The following SPDEF variants were observed in gnomAD, a reference collection of about 807,000 sequenced individuals.
SPDEF encodes SAM pointed domain-containing Ets transcription factor.
A neutral mutation model predicts 36.0 loss-of-function variants in SPDEF; 12 were observed. The observed-to-expected ratio is 0.33, with a 90% confidence interval of 0.21 to 0.54. The LOEUF (loss-of-function observed/expected upper bound fraction) is 0.54, where lower values mean the gene tolerates loss of function less well. SPDEF is among the 20% of genes least tolerant of loss of function. The pLI is 0.93. For synonymous variants in SPDEF, 205 were observed against 193.0 expected, an observed-to-expected ratio of 1.06 and a Z score of -0.51; for missense variants, 388 against 456.9, an observed-to-expected ratio of 0.85 and a Z score of 1.37.
chr6:34,548,203 GTGAGGC>G (rs1767993152), intron 1 of SPDEF, among the ~76,000 whole-genome samples: 1 of 152,210 alleles, frequency 6.6e-6, no homozygotes, highest in South Asian at 2.1e-4. Flanking sequence ...GATGCGGACA[GTGAGGC>G]TCAGGGAGGC....
chr6:34,540,951 G>A (rs1438981578), intron 3 of SPDEF, 33 bp downstream of exon 3: 1 of 1,591,984 alleles, frequency 6.3e-7, no homozygotes, highest in East Asian at 2.3e-5. Context: ...TTGGAGCCTG[G>A]GAGGGGCTGC....
rs545181732 is a variant in SPDEF at position 34,552,962 on chromosome 6, T to C, written c.-30+2967A>G. Among the ~76,000 whole-genome samples the C allele has an allele frequency of 1.4e-3, 208 of 152,268 alleles. No individual in the cohort carries two copies. Among genetic ancestry groups the C allele is most frequent in the African/African-American group, 4.7e-3 (196 of 41,558 alleles). On this transcript the variant is annotated intron_variant, in intron 1 of 5. Coordinates refer to ENST00000374037, the MANE Select transcript of SPDEF (RefSeq NM_012391.3). The surrounding 1 kb of genome is among the most constrained non-coding windows in gnomAD (Gnocchi z 4.6). ...TTGCTACCCCAGGAGCAGAGAGGCC[T>C]GGGCCTTGCCCCGCAACCAGTCTCA... is the stretch of plus-strand genomic sequence containing the variant.
At chr6:34,546,148 G>A (rs1041399554) in intron 1 of SPDEF, among the ~76,000 whole-genome samples, 3 of 152,174 alleles carry the variant, frequency 2.0e-5, no homozygotes, top group African/African-American at 4.8e-5. Context: ...GCGCCACCTC[G>A]GAGCTTGCTA....
Position 34,539,381 on chromosome 6 carries a change from T to C in SPDEF, c.698A>G (p.Glu233Gly). 5 of 1,613,716 alleles carry C rather than the reference T, an allele frequency of 3.1e-6. No homozygotes were observed. Among genetic ancestry groups the C allele is most frequent in the Non-Finnish European group, 4.2e-6 (5 of 1,180,022 alleles). ...GTCCACCTCGCTGTCGGTCCAGCTC[T>C]CCTCACTGGTCGAGGCTGGGTGGCC... ...AIHYCASTSEESWTDSEVDSS... is the reference protein window; with the variant it reads ...AIHYCASTSEGSWTDSEVDSS... Residue 233 changes from glutamate (E) to glycine (G), a missense_variant, in exon 5 of 6, where the codon GAG (glutamate) becomes GGG (glycine). Glu to Gly is a moderately conservative substitution (Grantham distance 98). Transcript: ENST00000374037. This position sits in a 1 kb window ranked among gnomAD's most constrained non-coding sequence, Gnocchi z 5.2.
Position 34,538,258 on chromosome 6 carries a change from GC to G in SPDEF, c.*15del. 2 of 1,609,758 alleles carry G rather than the reference GC, an allele frequency of 1.2e-6. No homozygotes were observed. The highest frequency in any genetic ancestry group is 1.7e-6 in the Non-Finnish European group (2 of 1,177,026). On this transcript the variant is annotated 3_prime_UTR_variant, in exon 6 of 6. Transcript: ENST00000374037. The surrounding 1 kb of genome is among the most constrained non-coding windows in gnomAD (Gnocchi z 5.9). ...AGAGGCCCCTGAGGGCGGGTTTCAGGCCCTGGGCCAGGCACTCAGATGGGGT... is the reference window on the plus strand; with the variant it reads ...AGAGGCCCCTGAGGGCGGGTTTCAGGCCTGGGCCAGGCACTCAGATGGGGT...
At chr6:34,547,115 T>C (rs1767971912) in intron 1 of SPDEF, among the ~76,000 whole-genome samples, 1 of 151,732 alleles carries the variant, frequency 6.6e-6, no homozygotes, top group African/African-American at 2.4e-5. Flanking sequence ...CTGGGCGCCA[T>C]GCCAGGGAGA....
rs1346538353 is a variant in SPDEF at position 34,552,347 on chromosome 6, C to T, written c.-30+3582G>A. 1.3e-5 allele frequency among the ~76,000 whole-genome samples: 2 copies of T among 152,264 alleles called. No individual in the cohort carries two copies. Among genetic ancestry groups the T allele is most frequent in the African/African-American group, 4.8e-5 (2 of 41,478 alleles). On this transcript the variant is annotated intron_variant, in intron 1 of 5. Coordinates refer to ENST00000374037, the MANE Select transcript of SPDEF (RefSeq NM_012391.3). This position sits in a 1 kb window ranked among gnomAD's most constrained non-coding sequence, Gnocchi z 4.6. ...ACACACGGATGTCACCGGAGCTCTG[C>T]TGCTCCTGCCTGAGGCCCCTTGGCC...
intron 1 of SPDEF, among the ~76,000 whole-genome samples, chr6:34,547,195 G>T (rs1351703874): frequency 6.6e-6 from 1 of 152,288 alleles, no homozygotes; most frequent in Non-Finnish European, 1.5e-5. Flanking sequence ...TCAGCCACAG[G>T]TAGGACAGGA....
Position 34,539,229 on chromosome 6 carries a change from C to T in SPDEF, c.829+21G>A, listed in dbSNP as rs537995894. 216 of 1,612,760 alleles carry T rather than the reference C, an allele frequency of 1.3e-4. 1 individual carries two copies. Among genetic ancestry groups the T allele is most frequent in the South Asian group, 1.0e-3 (95 of 90,960 alleles). On this transcript the variant is annotated intron_variant, in intron 5 of 5. Transcript: ENST00000374037. The surrounding 1 kb of genome is among the most constrained non-coding windows in gnomAD (Gnocchi z 5.2). ...CTCCATGCTCACTGGCCCTGCAGCG[C>T]CCCTTGGGCACCCTGCTCACCCTTC...
At chr6:34,547,701 G>A (rs1767983101) in intron 1 of SPDEF, among the ~76,000 whole-genome samples, 1 of 152,082 alleles carries the variant, frequency 6.6e-6, no homozygotes, top group African/African-American at 2.4e-5. Context: ...TGCTAATGGG[G>A]AAGTCAAGGT....
chr6:34,549,511 A>G (rs1340411540), intron 1 of SPDEF, among the ~76,000 whole-genome samples: 1 of 152,034 alleles, frequency 6.6e-6, no homozygotes, highest in Non-Finnish European at 1.5e-5. Context: ...CCACACCCCA[A>G]CTGGCATCAG....
rs560913132 is a variant in SPDEF at position 34,538,488 on chromosome 6, G to C, written c.830-36C>G. Reference sequence around the variant, plus strand: ...AGGGCCCCGAGAGAGCCAGTGGTATGAGTGAGGTGGCAAGAAGGAGAAAGA... The same window carrying C: ...AGGGCCCCGAGAGAGCCAGTGGTATCAGTGAGGTGGCAAGAAGGAGAAAGA... On this transcript the variant is annotated intron_variant, in intron 5 of 5. Coordinates refer to ENST00000374037, the MANE Select transcript of SPDEF (RefSeq NM_012391.3). This position sits in a 1 kb window ranked among gnomAD's most constrained non-coding sequence, Gnocchi z 5.9. 6.4e-7 allele frequency: 1 copy of C among 1,572,344 alleles called. No individual in the cohort carries two copies. The highest frequency in any genetic ancestry group is 8.6e-7 in the Non-Finnish European group (1 of 1,156,106).
Position 34,544,397 on chromosome 6 carries a change from G to C in SPDEF, c.59C>G (p.Pro20Arg). The C allele has an allele frequency of 6.3e-7, 1 of 1,590,340 alleles. No individual in the cohort carries two copies. Among genetic ancestry groups the C allele is most frequent in the Admixed American group, 1.7e-5 (1 of 58,988 alleles). The part of the protein sequence containing the change: ...SVSPSHLLLP[P>R]DTVSRTGLEK... ...CAAGCCTGTCCGCGACACCGTGTCG[G>C]GGGGCAGCAGGAGGTGGCTGGGGGA... The change falls in exon 2 of 6, where the codon CCC becomes CGC. Residue 20 changes from proline (P) to arginine (R), a missense_variant. By Grantham distance (103) the Pro-to-Arg change is moderately radical (BLOSUM62 -2). This residue lies in a region of SPDEF where 308 missense variants were observed against 326.1 expected (regional missense o/e 0.94). Coordinates refer to ENST00000374037, the MANE Select transcript of SPDEF (RefSeq NM_012391.3). This position sits in a 1 kb window ranked among gnomAD's most constrained non-coding sequence, Gnocchi z 4.4.
Position 34,539,152 on chromosome 6 carries a change from C to T in SPDEF, c.829+98G>A. ...GACAAAGGTGGGGATCAGCTTCACC[C>T]CTCTGCCCGCCCCTGCCCCCATGCA... On this transcript the variant is annotated intron_variant, in intron 5 of 5. Coordinates refer to ENST00000374037, the MANE Select transcript of SPDEF (RefSeq NM_012391.3). This position sits in a 1 kb window ranked among gnomAD's most constrained non-coding sequence, Gnocchi z 5.2. The T allele has an allele frequency of 2.8e-6, 4 of 1,422,390 alleles. No individual in the cohort carries two copies. Among genetic ancestry groups the T allele is most frequent in the Non-Finnish European group, 3.9e-6 (4 of 1,037,682 alleles). The allele number at this position is 1,422,390 out of a possible 1,614,324, so 88.1% of individuals were successfully genotyped here. A position where few individuals can be genotyped will look rare whatever the true frequency, so the allele number is the denominator to read the frequency against.
In SPDEF at chr6:34,555,348, A is replaced by C. The variant is rs73746688; in HGVS notation, c.-30+581T>G. ...CTTCCCCCAGTGTCCAAGGGCTCAG[A>C]GTGTGTGCTCAGCGGTGACCCCAGC... On this transcript the variant is annotated intron_variant, in intron 1 of 5. Transcript: ENST00000374037. The surrounding 1 kb of genome is among the most constrained non-coding windows in gnomAD (Gnocchi z 5.2). Among the ~76,000 whole-genome samples the C allele has an allele frequency of 0.025, 3,746 of 152,052 alleles. 121 individuals carry two copies. Among genetic ancestry groups the C allele is most frequent in the African/African-American group, 0.081 (3,378 of 41,450 alleles).
intron 1 of SPDEF, among the ~76,000 whole-genome samples, chr6:34,547,326 A>G (rs551038086): frequency 7.8e-4 from 119 of 152,182 alleles, no homozygotes; most frequent in African/African-American, 2.7e-3. Flanking sequence ...TGCTGAGTGC[A>G]TGTGAAGCCC....
rs375427681 is a variant in SPDEF, at chr6:34,544,383, G to A, written c.73C>T (p.Arg25Trp). 78 of 1,596,266 alleles carry A rather than the reference G, an allele frequency of 4.9e-5. No individual in the cohort carries two copies. The highest frequency in any genetic ancestry group is 4.3e-4 in the East Asian group (19 of 44,538). ...HLLLPPDTVS[R>W]TGLEKAAAGA... ...GCTGCCGCCTTCTCCAAGCCTGTCC[G>A]CGACACCGTGTCGGGGGGCAGCAGG... The change falls in exon 2 of 6, where the codon CGG (arginine) becomes TGG (tryptophan). Residue 25 changes from arginine to tryptophan, a missense_variant. Transcript: ENST00000374037. This position sits in a 1 kb window ranked among gnomAD's most constrained non-coding sequence, Gnocchi z 4.4.
rs1382079060 is a variant in SPDEF, at chr6:34,551,359, G to C, written c.-30+4570C>G. ...TGAGTTTACTCCAAAAGGGGATGTG[G>C]ACTGGAAAGAACGAAGACCTCCACT... On this transcript the variant is annotated intron_variant, in intron 1 of 5. Transcript: ENST00000374037. Among the ~76,000 whole-genome samples the C allele has an allele frequency of 2.0e-5, 3 of 152,214 alleles. No individual in the cohort carries two copies. The East Asian group carries it at 5.8e-4, about 29-fold the overall frequency.
At position 34,544,001 on chromosome 6, in the gene SPDEF, G is replaced by A. The variant is rs1767885724; in HGVS notation, c.436+19C>T. The A allele has an allele frequency of 3.1e-6, 5 of 1,597,516 alleles. No homozygotes were observed. Among genetic ancestry groups the A allele is most frequent in the African/African-American group, 1.4e-5 (1 of 73,808 alleles). Reference sequence around the variant, plus strand: ...CCTGTGACCCATCTTACGGAAGCAGGCACATGGAGAGGGCTCACCTGCGGT... The same window carrying A: ...CCTGTGACCCATCTTACGGAAGCAGACACATGGAGAGGGCTCACCTGCGGT... On this transcript the variant is annotated intron_variant, in intron 2 of 5. Transcript: ENST00000374037. This position sits in a 1 kb window ranked among gnomAD's most constrained non-coding sequence, Gnocchi z 4.4.
Sources: allele counts gnomAD v4.1 joint callset (sites outside exome capture counted in the v4.1 genomes callset), GRCh38; gene constraint gnomAD v4.1.1; regional missense constraint gnomAD v4.1.1; non-coding constraint Gnocchi (gnomAD v3.1); transcripts MANE v1.5; gene names NCBI Gene and HGNC (gene_info 2026-07-23, HGNC 2026-07-21).